Variants in ANP32A observed in about 807,000 individuals in gnomAD.
ANP32A encodes acidic leucine-rich nuclear phosphoprotein 32 family member A.
Under a neutral mutation model 33.9 loss-of-function variants are expected in ANP32A, and 1 was observed. The observed-to-expected ratio is 0.03, with a 90% CI of 0.01 to 0.14. The LOEUF is 0.14. Ranked by LOEUF, ANP32A falls within the 10% of genes least tolerant of loss-of-function variation. The probability of loss-of-function intolerance (pLI) is 1.00; values close to 1 mark genes in which losing one functional copy is unlikely to be tolerated. For synonymous variants in ANP32A, 115 were observed against 120.5 expected (o/e 0.95, Z 0.30); for missense variants, 155 against 306.0 (o/e 0.51, Z 3.68).
chr15:68,820,810 C>G lies in ANP32A; in HGVS notation c.-59G>C. ...CCGGCGGAATTCAATCAATAAACCC[C>G]GAACCCACGGCCGCGCGTTTTAGGA... On this transcript the variant is annotated 5_prime_UTR_variant, in exon 1 of 7. Transcript: ENST00000465139. 6.2e-7 allele frequency: 1 copy of G among 1,605,854 alleles called. No homozygotes were observed. The highest frequency in any genetic ancestry group is 1.3e-5 in the African/African-American group (1 of 74,892).
chr15:68,807,955 G>C (rs765912215), intron 1 of ANP32A, among the ~76,000 whole-genome samples: 16 of 152,208 alleles, frequency 1.1e-4, no homozygotes, highest in Admixed American at 9.8e-4. Context: ...AGCATCCTGA[G>C]ATACACGTAA....
chr15:68,805,987 T>C (rs1894216375), intron 1 of ANP32A, among the ~76,000 whole-genome samples: 1 of 152,164 alleles, frequency 6.6e-6, no homozygotes, highest in African/African-American at 2.4e-5. Context: ...AATGAATGAA[T>C]GAATGATTAG....
chr15:68,811,184 G>A (rs932179365), intron 1 of ANP32A, among the ~76,000 whole-genome samples: 4 of 152,122 alleles, frequency 2.6e-5, no homozygotes, highest in African/African-American at 9.7e-5. Context: ...ACGTGGTGGA[G>A]TAAGAGAGGT....
rs541897693 is a variant in ANP32A, at chr15:68,787,323, G to A, written c.327+90C>T. On this transcript the variant is annotated intron_variant, in intron 3 of 6. Transcript: ENST00000465139. ...TCATGAGAGTCAAAAAAATTAAGTG[G>A]GAAAAGGACAAATGCAAAAGTAGTA... The A allele has an allele frequency of 7.0e-6, 11 of 1,568,850 alleles. No individual in the cohort carries two copies. In the African/African-American group the frequency reaches 1.2e-4, roughly 17 times the overall value.
chr15:68,817,077 G>C (rs1046180241), intron 1 of ANP32A, among the ~76,000 whole-genome samples: 1 of 152,226 alleles, frequency 6.6e-6, no homozygotes, highest in African/African-American at 2.4e-5. Flanking sequence ...ACAGATACCA[G>C]AGTTCAGCTC....
intron 1 of ANP32A, among the ~76,000 whole-genome samples, chr15:68,795,541 C>T (rs1399513154): frequency 2.6e-5 from 4 of 152,334 alleles, no homozygotes; most frequent in African/African-American, 9.6e-5. Flanking sequence ...GCTCCTGCAC[C>T]GCCTGGAACC....
intron 1 of ANP32A, among the ~76,000 whole-genome samples, chr15:68,804,481 C>G (rs1043681693): frequency 1.3e-5 from 2 of 152,202 alleles, no homozygotes; most frequent in African/African-American, 4.8e-5. Context: ...TAAAAACAAA[C>G]AAAACACATT....
At chr15:68,787,722 C>A (rs1893950686) in intron 2 of ANP32A, 48 bp downstream of exon 2, 2 of 1,610,274 alleles carry the variant, frequency 1.2e-6, no homozygotes, top group East Asian at 2.2e-5. Flanking sequence ...TAACCCTTCC[C>A]ACTCCCCACC....
chr15:68,779,994 G>T lies in ANP32A; in HGVS notation c.*87C>A. The T allele has an allele frequency of 1.6e-6, 2 of 1,264,586 alleles. No homozygotes were observed. The highest frequency in any genetic ancestry group is 2.2e-6 in the Non-Finnish European group (2 of 896,414). 78.3% of individuals were successfully genotyped at this position (1,264,586 alleles called of 1,614,324 possible). The stretch of plus-strand genomic sequence containing the variant: ...ACAATCAGAAAAAAATAAGTTTCAG[G>T]GGGCAGGATTGGAGGGGGGGGGGAG... On this transcript the variant is annotated 3_prime_UTR_variant, in exon 7 of 7. Transcript: ENST00000465139.
chr15:68,783,973 T>TC (rs1893901707), intron 4 of ANP32A, among the ~76,000 whole-genome samples: 1 of 151,944 alleles, frequency 6.6e-6, no homozygotes, highest in Non-Finnish European at 1.5e-5. Flanking sequence ...TCTCTCTCTA[T>TC]CCCCTCCCTC....
Position 68,780,899 on chromosome 15 carries a change from G to T in ANP32A, c.625-426C>A. ...TTGCATCTGTCCTCAATCTAGTTTT[G>T]GCTTCAAGAGAAGACCCCAGTTTAA... On this transcript the variant is annotated intron_variant, in intron 5 of 6. Coordinates refer to ENST00000465139, the MANE Select transcript of ANP32A (RefSeq NM_006305.4). The surrounding 1 kb of genome is among the most constrained non-coding windows in gnomAD (Gnocchi z 4.3). 6.3e-6 allele frequency: 1 copy of T among 159,006 alleles called. No individual in the cohort carries two copies. The highest frequency in any genetic ancestry group is 1.4e-5 in the Non-Finnish European group (1 of 71,998). 9.8% of individuals were successfully genotyped at this position (159,006 alleles called of 1,614,324 possible).
At position 68,780,323 on chromosome 15, in the gene ANP32A, C is replaced by T; in HGVS notation, c.688+87G>A. The T allele has an allele frequency of 3.7e-6, 6 of 1,603,170 alleles. No homozygotes were observed. The Admixed American group carries it at 1.0e-4, about 28-fold the overall frequency. On this transcript the variant is annotated intron_variant, in intron 6 of 6. Coordinates refer to ENST00000465139, the MANE Select transcript of ANP32A (RefSeq NM_006305.4). This position sits in a 1 kb window ranked among gnomAD's most constrained non-coding sequence, Gnocchi z 4.3. The stretch of plus-strand genomic sequence containing the variant: ...GCCTCTGACAGGAGTGTCCTGCCCA[C>T]TGCCAGGGGCCTCTGAGTCTAAGCA...
chr15:68,787,664 T>C, intron 2 of ANP32A, 106 bp downstream of exon 2: 2 of 1,593,750 alleles, frequency 1.3e-6, no homozygotes, highest in Non-Finnish European at 1.7e-6. Context: ...GGCATGTTGG[T>C]GCAAGCACCC....
chr15:68,815,364 TC>T (rs1894366304), intron 1 of ANP32A, among the ~76,000 whole-genome samples: 1 of 152,192 alleles, frequency 6.6e-6, no homozygotes, highest in South Asian at 2.1e-4. Flanking sequence ...CTAACACATT[TC>T]CACAATTCTT....
chr15:68,795,255 C>T (rs1894048554), intron 1 of ANP32A, among the ~76,000 whole-genome samples: 1 of 152,128 alleles, frequency 6.6e-6, no homozygotes, highest in Non-Finnish European at 1.5e-5. Context: ...GGGCAGAGTC[C>T]CCTATTACTT....
chr15:68,811,024 C>T (rs565367634), intron 1 of ANP32A, among the ~76,000 whole-genome samples: 69 of 144,746 alleles, frequency 4.8e-4, no homozygotes, highest in African/African-American at 1.6e-3. Context: ...CAAGCCACTG[C>T]GCACTCCAAC....
In ANP32A at chr15:68,779,947, C is replaced by T. The variant is rs1329853262; in HGVS notation, c.*134G>A. The T allele has an allele frequency of 1.4e-5, 10 of 734,858 alleles. No homozygotes were observed. Among genetic ancestry groups the T allele is most frequent in the Non-Finnish European group, 1.7e-5 (8 of 461,514 alleles). The allele number at this position is 734,858 out of a possible 1,614,324, so 45.5% of individuals were successfully genotyped here. A position where few individuals can be genotyped will look rare whatever the true frequency, so the allele number is the denominator to read the frequency against. On this transcript the variant is annotated 3_prime_UTR_variant, in exon 7 of 7. Coordinates refer to ENST00000465139, the MANE Select transcript of ANP32A (RefSeq NM_006305.4). ...CCGCAACCCCCAGTACACTCTTCCC[C>T]TCTCGTTCCCACAGCAACGTTACAA...
intron 1 of ANP32A, among the ~76,000 whole-genome samples, chr15:68,804,436 A>G (rs1894185098): frequency 6.6e-6 from 1 of 152,244 alleles, no homozygotes. Context: ...TAAAGAATAA[A>G]TATGGTGCCT....
At chr15:68,820,301 TCTCCTCCTCCTCC>T in intron 1 of ANP32A, among the ~76,000 whole-genome samples, 1 of 152,076 alleles carries the variant, frequency 6.6e-6, no homozygotes, top group Middle Eastern at 3.4e-3. Flanking sequence ...AGGCAGCCCC[TCTCCTCCTCCTCC>T]CTCGTTAATC....
Sources: gnomAD v4.1 joint callset for allele counts (sites outside exome capture counted in the v4.1 genomes callset) on GRCh38, gnomAD v4.1.1 for gene constraint, Gnocchi (gnomAD v3.1) non-coding constraint, MANE v1.5 for transcripts, NCBI Gene and HGNC (gene_info 2026-07-23, HGNC 2026-07-21) for gene names.